Variants in NHSL2 observed in about 807,000 individuals in gnomAD.
NHSL2 encodes the protein NHS-like protein 2.
A neutral mutation model predicts 53.4 loss-of-function variants in NHSL2; 27 were observed. The observed-to-expected ratio is 0.51, with a 90% CI of 0.37 to 0.70. The LOEUF (loss-of-function observed/expected upper bound fraction) is 0.70. Ranked by LOEUF, NHSL2 falls within the 30% of genes least tolerant of loss-of-function variation. The pLI is 0.00. For missense variants in NHSL2, 892 were observed against 980.1 expected (o/e 0.91, Z 1.20); for synonymous variants, 408 against 404.1 (o/e 1.01, Z -0.12).
At chrX:72,132,742 C>A (rs932596430) in intron 2 of NHSL2, among the ~76,000 whole-genome samples, 1 of 111,602 alleles carries the variant, frequency 9.0e-6, no homozygotes, top group Non-Finnish European at 1.9e-5. Context: ...CCTATTTTGT[C>A]CCCCCTAACC....
intron 1 of NHSL2, among the ~76,000 whole-genome samples, chrX:71,967,895 T>C (rs1325729524): frequency 9.0e-6 from 1 of 111,382 alleles, no homozygotes; most frequent in Non-Finnish European, 1.9e-5. Flanking sequence ...ATTTCTCTGA[T>C]TAATCTAAGA....
At chrX:72,105,688 G>A (rs2042032226) in intron 1 of NHSL2, among the ~76,000 whole-genome samples, 2 of 111,683 alleles carry the variant, frequency 1.8e-5, no homozygotes, top group Non-Finnish European at 3.8e-5. Context: ...CCACAGTTGA[G>A]GTTACAGGTC....
At chrX:72,048,114 A>AATAAT (rs2042316050) in intron 1 of NHSL2, among the ~76,000 whole-genome samples, 2 of 108,341 alleles carry the variant, frequency 1.8e-5, no homozygotes, top group African/African-American at 6.8e-5. Flanking sequence ...ATAATAATAA[A>AATAAT]GCAACATTTT....
chrX:72,055,173 G>A (rs180745607), intron 1 of NHSL2, among the ~76,000 whole-genome samples: 3 of 111,788 alleles, frequency 2.7e-5, no homozygotes, highest in African/African-American at 6.5e-5. Flanking sequence ...AGTTAGGTCC[G>A]AATCCAGAGC....
intron 1 of NHSL2, among the ~76,000 whole-genome samples, chrX:72,082,802 G>A (rs972084427): frequency 2.0e-4 from 22 of 111,954 alleles, no homozygotes; most frequent in Non-Finnish European, 3.8e-4. Flanking sequence ...CAGGCCCACC[G>A]CCAACCTCGG....
At chrX:72,031,750 A>C (rs1404346729) in intron 1 of NHSL2, among the ~76,000 whole-genome samples, 3 of 111,356 alleles carry the variant, frequency 2.7e-5, no homozygotes, top group Non-Finnish European at 3.8e-5. Context: ...AAAAAAAAAA[A>C]AAAACCAGTT....
In NHSL2 at chrX:72,068,675, TGAGA is replaced by T. The variant is rs5902689; in HGVS notation, c.281-63382_281-63379del. 5.6e-3 allele frequency among the ~76,000 whole-genome samples: 610 copies of T among 108,984 alleles called. 2 individuals are homozygous for T. The highest frequency in any genetic ancestry group is 0.019 in the African/African-American group (573 of 29,552). The allele number at this position is 108,984 out of a possible 115,157, so 94.6% of individuals were successfully genotyped here. A position where few individuals can be genotyped will look rare whatever the true frequency, so the allele number is the denominator to read the frequency against. ...GTGTGTGTGTGCGTGTGTGTGTGTG[TGAGA>T]GAGAGAGAGAGAGAGAGAGAGCGCA... On this transcript the variant is annotated intron_variant, in intron 1 of 7. Coordinates refer to ENST00000633930, the MANE Select transcript of NHSL2 (RefSeq NM_001013627.3).
chrX:72,120,091 G>T (rs953601430), intron 1 of NHSL2, among the ~76,000 whole-genome samples: 2 of 112,385 alleles, frequency 1.8e-5, no homozygotes, highest in African/African-American at 6.5e-5. Flanking sequence ...CTTTTTATAT[G>T]TTGTTGGATT....
At chrX:71,980,608 A>AGT (rs2041974029) in intron 1 of NHSL2, among the ~76,000 whole-genome samples, 1 of 101,244 alleles carries the variant, frequency 9.9e-6, no homozygotes, top group East Asian at 3.0e-4. Context: ...GTGTGTGTGT[A>AGT]GTGTGTGTAC....
At chrX:71,923,300 G>A (rs895767578) in intron 1 of NHSL2, among the ~76,000 whole-genome samples, 1 of 111,687 alleles carries the variant, frequency 9.0e-6, no homozygotes, top group African/African-American at 3.3e-5. Flanking sequence ...ATTAGAAAAA[G>A]TCCCCTTTTC....
chrX:72,112,360 C>G (rs926778323), intron 1 of NHSL2, among the ~76,000 whole-genome samples: 25 of 111,774 alleles, frequency 2.2e-4, no homozygotes, highest in African/African-American at 7.5e-4. Context: ...AACTCACATA[C>G]CATGCAATTC....
chrX:72,121,815 A>C (rs1209464041), intron 1 of NHSL2, among the ~76,000 whole-genome samples: 1 of 112,172 alleles, frequency 8.9e-6, no homozygotes, highest in African/African-American at 3.2e-5. Flanking sequence ...TGAACCTCAA[A>C]CAACAATTTA....
At chrX:71,943,523 A>G in intron 1 of NHSL2, among the ~76,000 whole-genome samples, 1 of 112,552 alleles carries the variant, frequency 8.9e-6, no homozygotes, top group African/African-American at 3.2e-5. Context: ...TATTCCACAG[A>G]TGTACTCTGC....
chrX:72,048,790 C>T (rs66592775), intron 1 of NHSL2, among the ~76,000 whole-genome samples: 9,904 of 108,548 alleles, frequency 0.091, 708 homozygotes, highest in African/African-American at 0.23. Flanking sequence ...CTGAAGCAGT[C>T]GAAATGTTCC....
At chrX:72,000,609 G>C (rs763104415) in intron 1 of NHSL2, among the ~76,000 whole-genome samples, 1 of 111,734 alleles carries the variant, frequency 8.9e-6, no homozygotes, top group African/African-American at 3.3e-5. Context: ...CCTTTTCCTT[G>C]CCTTTTCCAG....
intron 1 of NHSL2, among the ~76,000 whole-genome samples, chrX:71,999,202 C>T (rs911495407): frequency 1.8e-5 from 2 of 112,459 alleles, no homozygotes; most frequent in Non-Finnish European, 3.8e-5. Flanking sequence ...TCGTATCCAT[C>T]GCTCTACAGG....
intron 1 of NHSL2, among the ~76,000 whole-genome samples, chrX:72,006,799 C>A (rs1346870302): frequency 1.8e-5 from 2 of 112,633 alleles, no homozygotes; most frequent in Non-Finnish European, 3.8e-5. Flanking sequence ...CTCACCTTGG[C>A]CTCTCAAAGT....
chrX:71,929,400 C>T (rs1488422437), intron 1 of NHSL2, among the ~76,000 whole-genome samples: 1 of 112,594 alleles, frequency 8.9e-6, no homozygotes, highest in Non-Finnish European at 1.9e-5. Context: ...GACAAAGGCA[C>T]AGGTATTGCT....
chrX:72,024,560 A>T (rs999252137), intron 1 of NHSL2, among the ~76,000 whole-genome samples: 1 of 112,284 alleles, frequency 8.9e-6, no homozygotes, highest in Non-Finnish European at 1.9e-5. Flanking sequence ...CATTTCACAG[A>T]TGAGGACGGG....
Sources: gnomAD v4.1 joint callset for allele counts (sites outside exome capture counted in the v4.1 genomes callset) on GRCh38, gnomAD v4.1.1 for gene constraint, MANE v1.5 for transcripts, NCBI Gene and HGNC (gene_info 2026-07-23, HGNC 2026-07-21) for gene names.